The following SEZ6 variants were observed in gnomAD, a reference collection of about 807,000 sequenced individuals.
SEZ6 encodes the protein seizure protein 6 homolog.
A neutral mutation model predicts 101.0 loss-of-function variants in SEZ6; 53 were observed. The observed-to-expected ratio is 0.52, with a 90% CI of 0.42 to 0.66. The LOEUF is 0.66. SEZ6 is among the 30% of genes least tolerant of loss of function. The probability of loss-of-function intolerance (pLI) is 0.00; values close to 1 mark genes in which losing one functional copy is unlikely to be tolerated. For missense variants in SEZ6, 1,102 were observed against 1,289.4 expected (o/e 0.85, Z 2.23); for synonymous variants, 488 against 512.2 (o/e 0.95, Z 0.64).
chr17:28,964,248 C>T, intron 4 of SEZ6, 101 bp from the exon 5 acceptor site: 3 of 1,246,944 alleles, frequency 2.4e-6, no homozygotes, highest in Non-Finnish European at 3.3e-6. Flanking sequence ...CTGGAGGTGT[C>T]ATTTGGGGCC....
intron 10 of SEZ6, 147 bp from the exon 11 acceptor site, chr17:28,958,288 A>G: frequency 1.1e-6 from 1 of 870,222 alleles, no homozygotes; most frequent in Non-Finnish European, 1.7e-6. Context: ...TCCCTGCTCA[A>G]GGGCCCCTCC....
chr17:28,985,502 T>G (rs1415910847), intron 1 of SEZ6, among the ~76,000 whole-genome samples: 1 of 152,248 alleles, frequency 6.6e-6, no homozygotes, highest in Non-Finnish European at 1.5e-5. Flanking sequence ...ACCTGGCAAG[T>G]TGCCTCTCAG....
At chr17:28,963,016 C>T (rs1479188704) in intron 5 of SEZ6, among the ~76,000 whole-genome samples, 4 of 151,166 alleles carry the variant, frequency 2.6e-5, no homozygotes, top group Admixed American at 6.6e-5. Flanking sequence ...CCCAGCTACT[C>T]GGGAGGCTGA....
At chr17:28,990,056 G>C (rs139186040) in intron 1 of SEZ6, among the ~76,000 whole-genome samples, 1 of 152,158 alleles carries the variant, frequency 6.6e-6, no homozygotes, top group East Asian at 1.9e-4. Context: ...TGGGCGACAA[G>C]AGTTAAACTC....
intron 1 of SEZ6, among the ~76,000 whole-genome samples, chr17:28,984,767 T>C (rs913239057): frequency 2.0e-5 from 3 of 152,176 alleles, no homozygotes; most frequent in African/African-American, 7.2e-5. Context: ...GTTGACTCTG[T>C]TGGAGGCCTG....
rs2040866768 is a variant in SEZ6 at position 28,955,661 on chromosome 17, A to G, written c.*301T>C. 1.6e-6 allele frequency: 1 copy of G among 614,524 alleles called. No individual in the cohort carries two copies. The allele number at this position is 614,524 out of a possible 1,614,324, so 38.1% of individuals were successfully genotyped here. Reference sequence around the variant, plus strand: ...AGTGTGTTCCAGGCTGGTCCAGGGCATGAGGAGGCTCAGGATGCTGGCTGT... The same window carrying G: ...AGTGTGTTCCAGGCTGGTCCAGGGCGTGAGGAGGCTCAGGATGCTGGCTGT... On this transcript the variant is annotated 3_prime_UTR_variant, in exon 17 of 17. Transcript: ENST00000317338.
chr17:28,976,402 A>G (rs1339165433), intron 3 of SEZ6, among the ~76,000 whole-genome samples: 1 of 152,148 alleles, frequency 6.6e-6, no homozygotes, highest in Admixed American at 6.5e-5. Context: ...GCTCAGGGGT[A>G]TGATTTGTGG....
At chr17:28,976,432 C>T (rs1243785081) in intron 3 of SEZ6, among the ~76,000 whole-genome samples, 2 of 152,200 alleles carry the variant, frequency 1.3e-5, no homozygotes, top group African/African-American at 4.8e-5. Flanking sequence ...ACAGTCCTCT[C>T]CTCCATGGCT....
At chr17:28,964,233 TCTGCCTGG>T (rs2041029178) in intron 4 of SEZ6, 86 bp from the exon 5 acceptor site, 2 of 1,418,986 alleles carry the variant, frequency 1.4e-6, no homozygotes, top group South Asian at 2.7e-5. Context: ...TCTGCCTCAG[TCTGCCTGG>T]AGGTGTCATT....
At chr17:28,996,391 C>G (rs2041541871) in intron 1 of SEZ6, among the ~76,000 whole-genome samples, 1 of 152,142 alleles carries the variant, frequency 6.6e-6, no homozygotes, top group Admixed American at 6.5e-5. Flanking sequence ...GGGGAAGGGG[C>G]CCCGCCCACC....
At chr17:28,969,221 T>C (rs370392982) in intron 4 of SEZ6, among the ~76,000 whole-genome samples, 11 of 152,276 alleles carry the variant, frequency 7.2e-5, no homozygotes, top group South Asian at 2.1e-4. Context: ...TCTGAGCTGA[T>C]TGGGGCATGG....
intron 4 of SEZ6, among the ~76,000 whole-genome samples, chr17:28,967,452 A>T (rs975566554): frequency 6.6e-6 from 1 of 152,126 alleles, no homozygotes; most frequent in African/African-American, 2.4e-5. Flanking sequence ...TTGAAGTAGA[A>T]ACTTGGGTTC....
chr17:28,963,940 G>A, intron 5 of SEZ6, 22 bp downstream of exon 5: 1 of 1,534,946 alleles, frequency 6.5e-7, no homozygotes, highest in Non-Finnish European at 8.7e-7. Flanking sequence ...TCAGCACTGA[G>A]CCCTTTCCCC....
intron 2 of SEZ6, among the ~76,000 whole-genome samples, chr17:28,981,046 C>T (rs372082485): frequency 2.6e-5 from 4 of 152,172 alleles, no homozygotes; most frequent in African/African-American, 9.7e-5. Context: ...CAGGTGCCCA[C>T]CACCATGCCC....
chr17:28,975,083 T>C (rs1211652001), intron 3 of SEZ6, among the ~76,000 whole-genome samples: 1 of 152,326 alleles, frequency 6.6e-6, no homozygotes, highest in Admixed American at 6.5e-5. Context: ...GCGCTAGCAG[T>C]CATCTTTCCA....
Position 28,964,006 on chromosome 17 carries a change from T to C in SEZ6, c.1196A>G (p.Asn399Ser). 6.2e-7 allele frequency: 1 copy of C among 1,612,536 alleles called. No homozygotes were observed. The highest frequency in any genetic ancestry group is 8.5e-7 in the Non-Finnish European group (1 of 1,179,316). ...LKGARHLTCL[N>S]ATQPFWDSKE... ...TGAATCCCAGAAGGGCTGGGTGGCATTGAGACAGGTGAGATGCCTGGCGCC... is the reference window on the plus strand; with the variant it reads ...TGAATCCCAGAAGGGCTGGGTGGCACTGAGACAGGTGAGATGCCTGGCGCC... Residue 399 changes from asparagine (N) to serine (S), a missense_variant, in exon 5 of 17, where the codon AAT becomes AGT. By Grantham distance (46) the Asn-to-Ser change is conservative. Transcript: ENST00000317338.
At chr17:28,997,896 C>G (rs1353797873) in intron 1 of SEZ6, among the ~76,000 whole-genome samples, 2 of 152,106 alleles carry the variant, frequency 1.3e-5, no homozygotes, top group Non-Finnish European at 2.9e-5. Flanking sequence ...TATGTTCTTC[C>G]TTTAGGACTC....
intron 3 of SEZ6, among the ~76,000 whole-genome samples, chr17:28,974,331 G>A (rs9899975): frequency 0.019 from 2,870 of 152,044 alleles, 77 homozygotes; most frequent in African/African-American, 0.065. Context: ...CCCCTCAAAC[G>A]TGTCATGGCA....
At chr17:28,977,555 A>G (rs1383111671) in intron 3 of SEZ6, among the ~76,000 whole-genome samples, 1 of 152,242 alleles carries the variant, frequency 6.6e-6, no homozygotes, top group African/African-American at 2.4e-5. Flanking sequence ...ACCAGACAAC[A>G]GACACGGGGC....
Sources: allele counts gnomAD v4.1 joint callset (sites outside exome capture counted in the v4.1 genomes callset), GRCh38; gene constraint gnomAD v4.1.1; transcripts MANE v1.5; gene names NCBI Gene and HGNC (gene_info 2026-07-23, HGNC 2026-07-21).